The following EEA1 variants were observed in gnomAD, a reference collection of about 807,000 sequenced individuals.
The protein encoded by EEA1 is early endosome antigen 1, 162kD.
EEA1 carries 111 observed loss-of-function variants against 209.2 expected under a neutral mutation model. That is an observed-to-expected ratio of 0.53 (90% confidence interval 0.45 to 0.62). The LOEUF (loss-of-function observed/expected upper bound fraction) is 0.62. Ranked by LOEUF, EEA1 falls within the 20% of genes least tolerant of loss-of-function variation. The pLI is 0.00. For missense variants in EEA1, 1,343 were observed against 1,530.8 expected (o/e 0.88, Z 2.05); for synonymous variants, 536 against 540.6 (o/e 0.99, Z 0.12).
chr12:92,899,247 A>G (rs1391384178), intron 1 of EEA1, among the ~76,000 whole-genome samples: 1 of 152,168 alleles, frequency 6.6e-6, no homozygotes, highest in East Asian at 1.9e-4. Context: ...ATCCTCAGAG[A>G]AGTCAGAGAA....
At chr12:92,821,527 A>C (rs1198034152) in intron 13 of EEA1, among the ~76,000 whole-genome samples, 4 of 152,196 alleles carry the variant, frequency 2.6e-5, no homozygotes, top group African/African-American at 9.6e-5. Context: ...AAAATCACAA[A>C]GTAAAATCAC....
intron 2 of EEA1, among the ~76,000 whole-genome samples, chr12:92,885,300 T>G (rs1879332629): frequency 6.6e-6 from 1 of 152,152 alleles, no homozygotes; most frequent in Non-Finnish European, 1.5e-5. Context: ...TGAATATTTC[T>G]TTAATGTCCT....
rs1032460467 is a variant in EEA1 at position 92,771,698 on chromosome 12, T to G, written c.*4313A>C. On this transcript the variant is annotated 3_prime_UTR_variant, in exon 29 of 29. Transcript: ENST00000322349. ...AAGAAATTTCTGGTTAAAAAAAATT[T>G]TTACATTAACAATCATCTTGCAAAT... 6.6e-6 allele frequency: 1 copy of G among 151,988 alleles called. No homozygotes were observed. Among genetic ancestry groups the G allele is most frequent in the Non-Finnish European group, 1.5e-5 (1 of 67,890 alleles). 9.4% of individuals were successfully genotyped at this position (151,988 alleles called of 1,614,324 possible). A position where few individuals can be genotyped will look rare whatever the true frequency, so the allele number is the denominator to read the frequency against.
At chr12:92,866,154 T>C (rs1878384080) in intron 2 of EEA1, among the ~76,000 whole-genome samples, 1 of 125,436 alleles carries the variant, frequency 8.0e-6, no homozygotes, top group African/African-American at 3.1e-5. Flanking sequence ...ATCATGTCAC[T>C]GTACTCCAGC....
At chr12:92,897,526 T>C (rs1879940408) in intron 1 of EEA1, among the ~76,000 whole-genome samples, 1 of 152,236 alleles carries the variant, frequency 6.6e-6, no homozygotes, top group Non-Finnish European at 1.5e-5. Context: ...ATCCAGGCCC[T>C]TGAGCTGCTG....
chr12:92,846,324 T>G (rs1392435875), intron 9 of EEA1, among the ~76,000 whole-genome samples: 1 of 152,148 alleles, frequency 6.6e-6, no homozygotes, highest in African/African-American at 2.4e-5. Flanking sequence ...GGATGAAAGG[T>G]GGCAGACAAG....
chr12:92,838,332 A>G (rs1373034049), intron 10 of EEA1, among the ~76,000 whole-genome samples: 1 of 152,176 alleles, frequency 6.6e-6, no homozygotes, highest in Non-Finnish European at 1.5e-5. Context: ...ATGTTTGAGA[A>G]ACACATAATA....
At chr12:92,896,264 G>A (rs764617538) in intron 1 of EEA1, among the ~76,000 whole-genome samples, 101 of 152,242 alleles carry the variant, frequency 6.6e-4, no homozygotes, top group Admixed American at 9.2e-4. Flanking sequence ...GAGCCATCGC[G>A]CCTGGCATGA....
chr12:92,822,804 G>A (rs533907144), intron 13 of EEA1, among the ~76,000 whole-genome samples: 3 of 151,954 alleles, frequency 2.0e-5, no homozygotes, highest in South Asian at 4.2e-4. Context: ...TCCCTCCTCC[G>A]AGCTTTAAAT....
At chr12:92,914,063 T>C (rs375534598) in intron 1 of EEA1, among the ~76,000 whole-genome samples, 3 of 152,200 alleles carry the variant, frequency 2.0e-5, no homozygotes, top group African/African-American at 7.2e-5. Context: ...TAATTTTCTA[T>C]TTATTGAATA....
chr12:92,827,578 C>T (rs1021406764), intron 12 of EEA1, among the ~76,000 whole-genome samples: 47 of 152,086 alleles, frequency 3.1e-4, no homozygotes, highest in Non-Finnish European at 6.2e-4. Flanking sequence ...ATGTCATTAA[C>T]GATCTTTACC....
intron 18 of EEA1, among the ~76,000 whole-genome samples, chr12:92,804,536 C>CATT (rs992201398): frequency 1.4e-4 from 19 of 132,762 alleles, no homozygotes; most frequent in Middle Eastern, 5.1e-3. Context: ...CACGCCACTG[C>CATT]ATTCCAGCCT....
chr12:92,809,260 C>CA (rs60540376), intron 17 of EEA1, 104 bp from the exon 18 acceptor site: 7,754 of 680,084 alleles, frequency 0.011, 231 homozygotes, highest in African/African-American at 0.088. Context: ...GTGTGACATA[C>CA]AAAAAAAAAT....
intron 2 of EEA1, among the ~76,000 whole-genome samples, chr12:92,890,491 G>C (rs1879616545): frequency 6.6e-6 from 1 of 152,104 alleles, no homozygotes. Flanking sequence ...TCAAAACAAA[G>C]AAGGTACAAA....
chr12:92,925,196 AAACACTAAT>A (rs1387180406), intron 1 of EEA1, among the ~76,000 whole-genome samples: 49 of 151,268 alleles, frequency 3.2e-4, no homozygotes, highest in Non-Finnish European at 5.2e-4. Flanking sequence ...AAAAAAAAAA[AAACACTAAT>A]CACAGTTTTT....
At chr12:92,822,088 C>T (rs1184724467) in intron 13 of EEA1, among the ~76,000 whole-genome samples, 1 of 151,612 alleles carries the variant, frequency 6.6e-6, no homozygotes, top group Non-Finnish European at 1.5e-5. Context: ...TTTCCTCAAG[C>T]TTCAGTGGAT....
chr12:92,901,515 G>A (rs1448341646), intron 1 of EEA1, among the ~76,000 whole-genome samples: 2 of 151,818 alleles, frequency 1.3e-5, no homozygotes, highest in East Asian at 3.9e-4. Context: ...GGTTTTTGAT[G>A]TCCATATTTT....
intron 5 of EEA1, among the ~76,000 whole-genome samples, chr12:92,855,148 G>T (rs957478300): frequency 6.6e-6 from 1 of 152,094 alleles, no homozygotes; most frequent in Non-Finnish European, 1.5e-5. Context: ...ATCCTATCAC[G>T]GCCGGGCGCG....
At chr12:92,883,719 T>A in intron 2 of EEA1, 1 of 982,078 alleles carries the variant, frequency 1.0e-6, no homozygotes, top group Non-Finnish European at 1.6e-6. Context: ...TGTTCTTTTC[T>A]GCCCGCGGAC....
Sources: allele counts gnomAD v4.1 joint callset (sites outside exome capture counted in the v4.1 genomes callset), GRCh38; gene constraint gnomAD v4.1.1; transcripts MANE v1.5; gene names NCBI Gene and HGNC (gene_info 2026-07-23, HGNC 2026-07-21).